The following BCAS3 variants were observed in gnomAD, a reference collection of about 807,000 sequenced individuals.
The protein encoded by BCAS3 is BCAS3 microtubule associated cell migration factor.
BCAS3 carries 53 observed loss-of-function variants against 116.1 expected under a neutral mutation model. The observed-to-expected ratio is 0.46, with a 90% CI of 0.37 to 0.57. The LOEUF (loss-of-function observed/expected upper bound fraction) is 0.57, where lower values mean the gene tolerates loss of function less well. Among genes scored for constraint, BCAS3 ranks in the 20% least tolerant of loss-of-function variants. BCAS3 has a pLI of 0.00. For synonymous variants in BCAS3, 391 were observed against 408.2 expected (o/e 0.96, Z 0.51); for missense variants, 917 against 1,165.4 (o/e 0.79, Z 3.10).
At position 61,388,777 on chromosome 17, in the gene BCAS3, A is replaced by T; in HGVS notation, c.2594-3200A>T. On this transcript the variant is annotated intron_variant, in intron 23 of 23. Coordinates refer to ENST00000407086, the MANE Select transcript of BCAS3 (RefSeq NM_017679.5). The surrounding 1 kb of genome is among the most constrained non-coding windows in gnomAD (Gnocchi z 6.5). Reference sequence around the variant, plus strand: ...GCGGCCGGGATGACTTGGAGGGGGGAATCTGAGCAGCCCTCCTCCCCTCCA... The same window carrying T: ...GCGGCCGGGATGACTTGGAGGGGGGTATCTGAGCAGCCCTCCTCCCCTCCA... 1 of 1,387,778 alleles carries T rather than the reference A, an allele frequency of 7.2e-7. No homozygotes were observed. The highest frequency in any genetic ancestry group is 9.8e-7 in the Non-Finnish European group (1 of 1,017,338). 86.0% of individuals were successfully genotyped at this position (1,387,778 alleles called of 1,614,324 possible). A position where few individuals can be genotyped will look rare whatever the true frequency, so the allele number is the denominator to read the frequency against.
At chr17:60,821,715 T>A (rs2049986179) in intron 7 of BCAS3, 1 of 152,050 alleles carries the variant, frequency 6.6e-6, no homozygotes, top group Admixed American at 6.6e-5. Flanking sequence ...TGACAGAGAC[T>A]CCTTCTGTCA....
At position 61,376,204 on chromosome 17, in the gene BCAS3, C is replaced by T. The variant is rs1394339665; in HGVS notation, c.2593+7710C>T. On this transcript the variant is annotated intron_variant, in intron 23 of 23. Transcript: ENST00000407086. The surrounding 1 kb of genome is among the most constrained non-coding windows in gnomAD (Gnocchi z 4.5). ...TTATGTGGGCCTCTCAGGTCCCTTT[C>T]CCAAACCTGAGATTCTCTGATTCTA... Among the ~76,000 whole-genome samples, 1 of 152,190 alleles carries T rather than the reference C, an allele frequency of 6.6e-6. No individual in the cohort carries two copies. Among genetic ancestry groups the T allele is most frequent in the East Asian group, 1.9e-4 (1 of 5,192 alleles).
chr17:60,735,359 A>C (rs1484996797), intron 5 of BCAS3, among the ~76,000 whole-genome samples: 2 of 151,864 alleles, frequency 1.3e-5, no homozygotes, highest in East Asian at 3.9e-4. Flanking sequence ...AAACCTGGTG[A>C]GAGGGGACAT....
chr17:60,829,937 T>G (rs2050766781), intron 7 of BCAS3, among the ~76,000 whole-genome samples: 1 of 152,182 alleles, frequency 6.6e-6, no homozygotes, highest in Admixed American at 6.6e-5. Context: ...AATATAATTT[T>G]GTCTCTTAAT....
chr17:60,808,263 C>T (rs1311504525), intron 7 of BCAS3, among the ~76,000 whole-genome samples, 187 bp downstream of exon 7: 1 of 152,120 alleles, frequency 6.6e-6, no homozygotes, highest in Non-Finnish European at 1.5e-5. Context: ...ATAGCATGTG[C>T]CTGACACTGT....
rs2054654473 is a variant in BCAS3, at chr17:61,315,510, C to T, written c.2426-52817C>T. Among the ~76,000 whole-genome samples, 1 of 152,206 alleles carries T rather than the reference C, an allele frequency of 6.6e-6. No individual in the cohort carries two copies. Among genetic ancestry groups the T allele is most frequent in the Non-Finnish European group, 1.5e-5 (1 of 68,034 alleles). ...GCGGTGCCATTGCTTTCGCCTCAGG[C>T]TTCCTAGAGCAAAGAAGCCCATGGA... On this transcript the variant is annotated intron_variant, in intron 22 of 23. Coordinates refer to ENST00000407086, the MANE Select transcript of BCAS3 (RefSeq NM_017679.5). This position sits in a 1 kb window ranked among gnomAD's most constrained non-coding sequence, Gnocchi z 5.3.
chr17:60,736,904 CCCTT>C (rs1189931714), intron 5 of BCAS3, among the ~76,000 whole-genome samples: 22 of 126,268 alleles, frequency 1.7e-4, no homozygotes, highest in African/African-American at 6.4e-4. Context: ...CTCCCTTCCT[CCCTT>C]CCTCCCTTCC....
At chr17:60,839,415 A>T (rs913565349) in intron 7 of BCAS3, among the ~76,000 whole-genome samples, 3 of 152,052 alleles carry the variant, frequency 2.0e-5, no homozygotes, top group African/African-American at 7.2e-5. Flanking sequence ...TTGTAATATT[A>T]CCTCCTGTTT....
intron 22 of BCAS3, among the ~76,000 whole-genome samples, chr17:61,159,631 A>G (rs2078047934): frequency 6.6e-6 from 1 of 152,242 alleles, no homozygotes; most frequent in African/African-American, 2.4e-5. Flanking sequence ...ACTCAACAGT[A>G]GTGAAAACAC....
At chr17:61,375,218 TTGTGTGTGTG>T (rs59961930) in intron 23 of BCAS3, among the ~76,000 whole-genome samples, 15 of 142,772 alleles carry the variant, frequency 1.1e-4, no homozygotes, top group Admixed American at 4.8e-4. Flanking sequence ...AAAGCACTAT[TTGTGTGTGTG>T]TGTGTGTGTG....
At position 61,343,865 on chromosome 17, in the gene BCAS3, G is replaced by A. The variant is rs575508117; in HGVS notation, c.2426-24462G>A. 5.3e-5 allele frequency among the ~76,000 whole-genome samples: 8 copies of A among 152,172 alleles called. No individual in the cohort carries two copies. Among genetic ancestry groups the A allele is most frequent in the Non-Finnish European group, 1.2e-4 (8 of 68,042 alleles). ...TCAGTTCTGCTCTGCAGCCCCCATGGCGACACCCTCTCTCTTTGGACCACC... is the reference window on the plus strand; with the variant it reads ...TCAGTTCTGCTCTGCAGCCCCCATGACGACACCCTCTCTCTTTGGACCACC... On this transcript the variant is annotated intron_variant, in intron 22 of 23. Transcript: ENST00000407086. This position sits in a 1 kb window ranked among gnomAD's most constrained non-coding sequence, Gnocchi z 5.5.
In BCAS3 at chr17:60,803,199, A is replaced by G. The variant is rs140592878; in HGVS notation, c.404-4805A>G. ...TTTTGTTTTGCATTCACCTTTACCC[A>G]GTGTCCTTCTGTCTGTCTCTAGAGA... On this transcript the variant is annotated intron_variant, in intron 6 of 23. Coordinates refer to ENST00000407086, the MANE Select transcript of BCAS3 (RefSeq NM_017679.5). Among the ~76,000 whole-genome samples the G allele has an allele frequency of 5.1e-4, 77 of 152,330 alleles. 2 individuals carry two copies. In the East Asian group the frequency reaches 9.8e-3, roughly 19 times the overall value.
Position 61,233,092 on chromosome 17 carries a change from G to A in BCAS3, c.2426-135235G>A, listed in dbSNP as rs2082788208. On this transcript the variant is annotated intron_variant, in intron 22 of 23. Transcript: ENST00000407086. The surrounding 1 kb of genome is among the most constrained non-coding windows in gnomAD (Gnocchi z 4.3). ...GGACTAACCTGTGTGACTAATTTGA[G>A]TAGGAGGGTGATAAACTTTGTTACC... 6.6e-6 allele frequency among the ~76,000 whole-genome samples: 1 copy of A among 152,166 alleles called. No individual in the cohort carries two copies. Among genetic ancestry groups the A allele is most frequent in the Admixed American group, 6.5e-5 (1 of 15,276 alleles).
Position 61,004,648 on chromosome 17 carries a change from A to G in BCAS3, c.1487-11103A>G, listed in dbSNP as rs1401902308. On this transcript the variant is annotated intron_variant, in intron 15 of 23. Transcript: ENST00000407086. The surrounding 1 kb of genome is among the most constrained non-coding windows in gnomAD (Gnocchi z 4.8). Reference sequence around the variant, plus strand: ...AGTAGAAATTTTGATGGTTCTTACCATGATGAGGTAAATGATATTTTGAAT... The same window carrying G: ...AGTAGAAATTTTGATGGTTCTTACCGTGATGAGGTAAATGATATTTTGAAT... Among the ~76,000 whole-genome samples, 4 of 152,272 alleles carry G rather than the reference A, an allele frequency of 2.6e-5. No homozygotes were observed. The highest frequency in any genetic ancestry group is 4.1e-4 in the South Asian group (2 of 4,828).
At chr17:60,890,030 C>T (rs1241233431) in intron 10 of BCAS3, among the ~76,000 whole-genome samples, 1 of 152,190 alleles carries the variant, frequency 6.6e-6, no homozygotes, top group Non-Finnish European at 1.5e-5. Context: ...GAACTTCATT[C>T]TATTAATTTG....
chr17:60,895,260 G>GT (rs1188382842), intron 10 of BCAS3, among the ~76,000 whole-genome samples: 1 of 151,990 alleles, frequency 6.6e-6, no homozygotes, highest in Non-Finnish European at 1.5e-5. Flanking sequence ...TCAGATTTCT[G>GT]TTTTTTCCTG....
intron 22 of BCAS3, among the ~76,000 whole-genome samples, chr17:61,240,064 A>G (rs2047374251): frequency 6.6e-6 from 1 of 152,122 alleles, no homozygotes; most frequent in Non-Finnish European, 1.5e-5. Flanking sequence ...GTGAAGAGAA[A>G]AGCATCTTGT....
intron 10 of BCAS3, among the ~76,000 whole-genome samples, chr17:60,899,331 C>A (rs150206559): frequency 6.6e-6 from 1 of 152,246 alleles, no homozygotes; most frequent in Non-Finnish European, 1.5e-5. Context: ...CTGCCCAGCT[C>A]GCAACCAAGT....
chr17:60,869,315 G>C (rs776215021), intron 8 of BCAS3, among the ~76,000 whole-genome samples: 48 of 152,176 alleles, frequency 3.2e-4, no homozygotes, highest in Non-Finnish European at 6.2e-4. Context: ...CTATCACTCA[G>C]CACTTTCCTT....
Sources: gnomAD v4.1 joint callset for allele counts (sites outside exome capture counted in the v4.1 genomes callset) on GRCh38, gnomAD v4.1.1 for gene constraint, Gnocchi (gnomAD v3.1) non-coding constraint, MANE v1.5 for transcripts, NCBI Gene and HGNC (gene_info 2026-07-23, HGNC 2026-07-21) for gene names.